Variants in SAMD8 observed in about 807,000 individuals in gnomAD.
The protein encoded by SAMD8 is sterile alpha motif domain containing 8.
A neutral mutation model predicts 42.0 loss-of-function variants in SAMD8; 20 were observed. That is an observed-to-expected ratio of 0.48 (90% CI 0.34 to 0.69). The LOEUF (loss-of-function observed/expected upper bound fraction) is 0.69. SAMD8 is among the 30% of genes least tolerant of loss of function. SAMD8 has a pLI of 0.01. For synonymous variants in SAMD8, 162 were observed against 173.0 expected (o/e 0.94, Z 0.50); for missense variants, 328 against 511.6 (o/e 0.64, Z 3.46).
rs1840276060 is a variant in SAMD8 at position 75,150,966 on chromosome 10, C to T, written c.438C>T (p.Asp146=). The change falls in exon 2 of 6, where the codon GAC becomes GAT. Residue 146 remains aspartate, a synonymous_variant. Transcript: ENST00000542569. ...ACAAACATTCTGTTCGAAGATTGGA[C>T]CCAGAATACTGGAAGACTATACTGA... The part of the protein sequence containing the change: ...GKNKHSVRRL[D]PEYWKTILSC... The T allele has an allele frequency of 6.2e-7, 1 of 1,613,054 alleles. No individual in the cohort carries two copies. Among genetic ancestry groups the T allele is most frequent in the Non-Finnish European group, 8.5e-7 (1 of 1,179,662 alleles).
At chr10:75,115,814 G>A (rs1045372910) in intron 1 of SAMD8, among the ~76,000 whole-genome samples, 16 of 151,976 alleles carry the variant, frequency 1.1e-4, no homozygotes, top group Non-Finnish European at 1.5e-4. Flanking sequence ...CGTGGCAGGC[G>A]CCTGTAGTCC....
rs1841043457 is a variant in SAMD8 at position 75,179,376 on chromosome 10, T to G, written c.*2684T>G. On this transcript the variant is annotated 3_prime_UTR_variant, in exon 6 of 6. Coordinates refer to ENST00000542569, the MANE Select transcript of SAMD8 (RefSeq NM_001174156.2). ...AATCAATCAATCAATAACAAAAACT[T>G]AAATAGCTATTAACCTCAGTCTTCT... The G allele has an allele frequency of 6.6e-6, 1 of 152,152 alleles. No individual in the cohort carries two copies. The highest frequency in any genetic ancestry group is 1.5e-5 in the Non-Finnish European group (1 of 68,020). 9.4% of individuals were successfully genotyped at this position (152,152 alleles called of 1,614,324 possible). A position where few individuals can be genotyped will look rare whatever the true frequency, so the allele number is the denominator to read the frequency against.
intron 1 of SAMD8, chr10:75,104,062 G>A: frequency 7.3e-7 from 1 of 1,361,182 alleles, no homozygotes; most frequent in Non-Finnish European, 9.8e-7. Context: ...GGGTGGCAAA[G>A]TGGCAGAGCC....
intron 2 of SAMD8, among the ~76,000 whole-genome samples, chr10:75,159,744 G>A (rs1048182106): frequency 6.6e-6 from 1 of 152,152 alleles, no homozygotes; most frequent in Non-Finnish European, 1.5e-5. Flanking sequence ...AAGCCTGAGC[G>A]AAAGTTACCC....
chr10:75,110,463 C>T (rs1001747613), upstream of SAMD8, among the ~76,000 whole-genome samples: 4 of 152,172 alleles, frequency 2.6e-5, no homozygotes, highest in Non-Finnish European at 5.9e-5. Flanking sequence ...TTCCCAGCTG[C>T]CCTTGGCCTT....
chr10:75,116,162 C>T (rs939550805), intron 1 of SAMD8, among the ~76,000 whole-genome samples: 9 of 151,796 alleles, frequency 5.9e-5, no homozygotes, highest in South Asian at 4.2e-4. Context: ...TACAGTGGCG[C>T]GATCATGGCT....
In SAMD8 at chr10:75,177,637, AACTT is replaced by A. The variant is rs1175633396; in HGVS notation, c.*948_*951del. On this transcript the variant is annotated 3_prime_UTR_variant, in exon 6 of 6. Coordinates refer to ENST00000542569, the MANE Select transcript of SAMD8 (RefSeq NM_001174156.2). ...AAAGAATTGTTTTCTCCTGAAAAGA[AACTT>A]ACAGCACGCAAAATATAACTTTTTG... The A allele has an allele frequency of 1.3e-5, 2 of 152,238 alleles. No individual in the cohort carries two copies. The highest frequency in any genetic ancestry group is 4.8e-5 in the African/African-American group (2 of 41,464). The allele number at this position is 152,238 out of a possible 1,614,324, so 9.4% of individuals were successfully genotyped here.
intron 4 of SAMD8, among the ~76,000 whole-genome samples, chr10:75,170,740 A>G (rs952902884): frequency 6.7e-6 from 1 of 149,540 alleles, no homozygotes; most frequent in Admixed American, 6.7e-5. Flanking sequence ...ATTTTTAAGC[A>G]TACTTACACA....
At chr10:75,130,936 A>G (rs1849261228) in intron 1 of SAMD8, among the ~76,000 whole-genome samples, 1 of 152,226 alleles carries the variant, frequency 6.6e-6, no homozygotes, top group Non-Finnish European at 1.5e-5. Flanking sequence ...AGCATTCAAC[A>G]AATGTAGCTG....
At chr10:75,109,818 T>TTTTTTTTTGTTTTG (rs1554856163), upstream of SAMD8, among the ~76,000 whole-genome samples, 3 of 150,200 alleles carry the variant, frequency 2.0e-5, 1 homozygote, top group South Asian at 4.2e-4. Context: ...AAGGTGTTTT[T>TTTTTTTTTGTTTTG]TTTTGTTTTG....
intron 1 of SAMD8, chr10:75,104,063 T>C (rs766191012): frequency 2.9e-6 from 4 of 1,360,946 alleles, no homozygotes; most frequent in Non-Finnish European, 2.9e-6. Flanking sequence ...GGTGGCAAAG[T>C]GGCAGAGCCC....
At chr10:75,152,572 GC>G (rs1473303888) in intron 2 of SAMD8, among the ~76,000 whole-genome samples, 2 of 151,502 alleles carry the variant, frequency 1.3e-5, no homozygotes, top group Non-Finnish European at 2.9e-5. Context: ...AGAACAGTAG[GC>G]CAGGCATGGT....
intron 1 of SAMD8, among the ~76,000 whole-genome samples, chr10:75,132,944 A>G (rs911647105): frequency 4.6e-5 from 7 of 152,306 alleles, no homozygotes; most frequent in Non-Finnish European, 8.8e-5. Flanking sequence ...AACCGTGATC[A>G]CACTACTGCA....
intron 2 of SAMD8, among the ~76,000 whole-genome samples, chr10:75,152,197 T>TA (rs934480837): frequency 1.3e-5 from 2 of 151,410 alleles, no homozygotes; most frequent in Non-Finnish European, 2.9e-5. Flanking sequence ...ATTGAATACA[T>TA]AAAAAAATGT....
chr10:75,157,287 A>G (rs940497439), intron 2 of SAMD8, among the ~76,000 whole-genome samples: 1 of 152,108 alleles, frequency 6.6e-6, no homozygotes, highest in Non-Finnish European at 1.5e-5. Flanking sequence ...GACATATGCT[A>G]TATGATAGCA....
intron 1 of SAMD8, among the ~76,000 whole-genome samples, chr10:75,147,486 T>G (rs1296067643): frequency 6.6e-6 from 1 of 152,060 alleles, no homozygotes; most frequent in Non-Finnish European, 1.5e-5. Flanking sequence ...CCACCATGCC[T>G]GGCTAATTTT....
In SAMD8 at chr10:75,161,704, GAAA is replaced by G. The variant is rs527849830; in HGVS notation, c.579-2932_579-2930del. Among the ~76,000 whole-genome samples the G allele has an allele frequency of 4.4e-3, 652 of 147,208 alleles. 3 individuals are homozygous for G. Among genetic ancestry groups the G allele is most frequent in the Middle Eastern group, 6.9e-3 (2 of 290 alleles). The stretch of plus-strand genomic sequence containing the variant: ...ATTCAGAGAAAAAGAGCTTTTGGGG[GAAA>G]AAAAAAAAGTAGAGATTTAAAATCC... On this transcript the variant is annotated intron_variant, in intron 2 of 5. Coordinates refer to ENST00000542569, the MANE Select transcript of SAMD8 (RefSeq NM_001174156.2).
In SAMD8 at chr10:75,124,903, A is replaced by AT. The variant is rs1205057942; in HGVS notation, c.-16+13182dup. Reference sequence around the variant, plus strand: ...CTCAGCTTCCTAAGTAGCTGGGAGTATAAGCACATGCCAGCACAGCCAGCT... The same window carrying AT: ...CTCAGCTTCCTAAGTAGCTGGGAGTATTAAGCACATGCCAGCACAGCCAGCT... On this transcript the variant is annotated intron_variant, in intron 1 of 5. Transcript: ENST00000542569. Among the ~76,000 whole-genome samples the AT allele has an allele frequency of 9.2e-5, 14 of 151,828 alleles. No individual in the cohort carries two copies. The East Asian group carries it at 2.7e-3, about 30-fold the overall frequency.
At chr10:75,117,433 G>T (rs1848910688) in intron 1 of SAMD8, among the ~76,000 whole-genome samples, 2 of 150,800 alleles carry the variant, frequency 1.3e-5, no homozygotes, top group Non-Finnish European at 3.0e-5. Flanking sequence ...AAAAAAAAAA[G>T]GGTGGGCGTG....
Sources: gnomAD v4.1 joint callset for allele counts (sites outside exome capture counted in the v4.1 genomes callset) on GRCh38, gnomAD v4.1.1 for gene constraint, MANE v1.5 for transcripts, NCBI Gene and HGNC (gene_info 2026-07-23, HGNC 2026-07-21) for gene names.